Variants in UFM1 observed in about 807,000 individuals in gnomAD.
UFM1 encodes the protein ubiquitin fold modifier 1, also known as ubiquitin-fold modifier 1.
Under a neutral mutation model 15.4 loss-of-function variants are expected in UFM1, and 9 were observed. That is an observed-to-expected ratio of 0.59 (90% CI 0.35 to 1.02). UFM1 has a LOEUF of 1.02. Ranked by LOEUF, UFM1 falls within the 50% of genes least tolerant of loss-of-function variation. The probability of loss-of-function intolerance (pLI) is 0.02; values close to 1 mark genes in which losing one functional copy is unlikely to be tolerated. For synonymous variants in UFM1, 27 were observed against 36.3 expected, an observed-to-expected ratio of 0.74 and a Z score of 0.92; for missense variants, 98 against 104.7, an observed-to-expected ratio of 0.94 and a Z score of 0.28.
chr13:38,358,425 G>A (rs1240362109), intron 4 of UFM1, among the ~76,000 whole-genome samples: 3 of 149,064 alleles, frequency 2.0e-5, no homozygotes, highest in Non-Finnish European at 3.0e-5. Flanking sequence ...TTTTTATTAA[G>A]TAAAGTTGTT....
chr13:38,350,775 T>G (rs1878810986), intron 2 of UFM1, among the ~76,000 whole-genome samples: 1 of 152,206 alleles, frequency 6.6e-6, no homozygotes, highest in Non-Finnish European at 1.5e-5. Context: ...ATAGAATTTT[T>G]TGCATAATTA....
intron 4 of UFM1, among the ~76,000 whole-genome samples, chr13:38,359,031 G>C (rs896672805): frequency 6.6e-5 from 10 of 151,990 alleles, no homozygotes; most frequent in African/African-American, 2.4e-4. Context: ...TGGCAAAATA[G>C]AATTAATAAC....
At chr13:38,356,999 A>G (rs914593580) in intron 3 of UFM1, among the ~76,000 whole-genome samples, 3 of 151,956 alleles carry the variant, frequency 2.0e-5, no homozygotes, top group African/African-American at 7.2e-5. Context: ...ATTCCATACC[A>G]CATTTCATTG....
intron 3 of UFM1, chr13:38,354,676 T>G (rs1157207825): frequency 6.3e-6 from 1 of 158,476 alleles, no homozygotes; most frequent in African/African-American, 2.4e-5. Flanking sequence ...ATCTTTATCA[T>G]AGTTTTCAAA....
At chr13:38,360,421 T>G (rs1879316669) in intron 5 of UFM1, among the ~76,000 whole-genome samples, 2 of 152,052 alleles carry the variant, frequency 1.3e-5, no homozygotes, top group South Asian at 4.1e-4. Context: ...AGATATATTA[T>G]TGTGTATTGA....
rs1250562887 is a variant in UFM1 at position 38,356,631 on chromosome 13, TATGTAATG to T, written c.118-1459_118-1452del. 3.4e-5 allele frequency among the ~76,000 whole-genome samples: 5 copies of T among 147,718 alleles called. No individual in the cohort carries two copies. The East Asian group carries it at 1.1e-3, about 31-fold the overall frequency. The stretch of plus-strand genomic sequence containing the variant: ...GCTTTTAGTTTTTCTCAACTATGTA[TATGTAATG>T]ATTATAGATGCCTAGAGTAGTGTTT... On this transcript the variant is annotated intron_variant, in intron 3 of 5. Coordinates refer to ENST00000239878, the MANE Select transcript of UFM1 (RefSeq NM_016617.4).
intron 2 of UFM1, chr13:38,350,304 A>C: frequency 6.9e-7 from 1 of 1,439,240 alleles, no homozygotes. Flanking sequence ...CTGATTAGTG[A>C]CCTCCCCTCG....
Position 38,361,168 on chromosome 13 carries a change from G to C in UFM1, c.*390G>C, listed in dbSNP as rs150903230. 2.2e-3 allele frequency: 346 copies of C among 155,628 alleles called. 1 individual carries two copies. The highest frequency in any genetic ancestry group is 7.8e-3 in the African/African-American group (326 of 41,642). The allele number at this position is 155,628 out of a possible 1,614,324, so 9.6% of individuals were successfully genotyped here. A position where few individuals can be genotyped will look rare whatever the true frequency, so the allele number is the denominator to read the frequency against. Reference sequence around the variant, plus strand: ...AAATATAAAAAGAATTATGGACCCTGGATGGCAATTTGCTTGATAGCATCT... The same window carrying C: ...AAATATAAAAAGAATTATGGACCCTCGATGGCAATTTGCTTGATAGCATCT... On this transcript the variant is annotated 3_prime_UTR_variant, in exon 6 of 6. Transcript: ENST00000239878.
At chr13:38,357,790 C>T (rs1879177073) in intron 3 of UFM1, among the ~76,000 whole-genome samples, 1 of 151,700 alleles carries the variant, frequency 6.6e-6, no homozygotes, top group African/African-American at 2.4e-5. Context: ...ATTTACTATT[C>T]ATTAAGTGGA....
Position 38,361,401 on chromosome 13 carries a change from C to T in UFM1, c.*623C>T, listed in dbSNP as rs1879380321. 1 of 151,960 alleles carries T rather than the reference C, an allele frequency of 6.6e-6. No individual in the cohort carries two copies. 9.4% of individuals were successfully genotyped at this position (151,960 alleles called of 1,614,324 possible). A position where few individuals can be genotyped will look rare whatever the true frequency, so the allele number is the denominator to read the frequency against. On this transcript the variant is annotated 3_prime_UTR_variant, in exon 6 of 6. Transcript: ENST00000239878. ...TATGTGTATAAATTGGTGTCCCATA[C>T]CAGCTTTTAATGGTGGACCTATAGA...
At chr13:38,357,459 T>C (rs1370493056) in intron 3 of UFM1, among the ~76,000 whole-genome samples, 2 of 151,874 alleles carry the variant, frequency 1.3e-5, no homozygotes, top group Non-Finnish European at 2.9e-5. Context: ...TAAGGTACAC[T>C]TTTATAATTA....
intron 5 of UFM1, chr13:38,360,026 A>G (rs1879298093): frequency 2.6e-6 from 1 of 379,186 alleles, no homozygotes; most frequent in African/African-American, 2.1e-5. Context: ...TAACAAAATT[A>G]TGTTGTTTTC....
Position 38,360,870 on chromosome 13 carries a change from T to C in UFM1, c.*92T>C, listed in dbSNP as rs780056245. On this transcript the variant is annotated 3_prime_UTR_variant, in exon 6 of 6. Transcript: ENST00000239878. ...TTGAAATCAGGCATTTAACATACTATGAAAACACCAGGAGTCAATGATTAA... is the reference window on the plus strand; with the variant it reads ...TTGAAATCAGGCATTTAACATACTACGAAAACACCAGGAGTCAATGATTAA... 1.6e-5 allele frequency: 16 copies of C among 1,027,750 alleles called. No individual in the cohort carries two copies. The highest frequency in any genetic ancestry group is 2.3e-5 in the Non-Finnish European group (15 of 665,146). The allele number at this position is 1,027,750 out of a possible 1,614,324, so 63.7% of individuals were successfully genotyped here.
chr13:38,357,512 G>T (rs1240256600), intron 3 of UFM1, among the ~76,000 whole-genome samples: 1 of 2,890 alleles, frequency 3.5e-4, no homozygotes, highest in Non-Finnish European at 1.3e-3. Context: ...TATAATACAG[G>T]GTTTTTTTTT....
At chr13:38,352,803 A>G (rs2140052316) in intron 2 of UFM1, among the ~76,000 whole-genome samples, 1 of 152,326 alleles carries the variant, frequency 6.6e-6, no homozygotes, top group Non-Finnish European at 1.5e-5. Flanking sequence ...TCAGTATGAC[A>G]TCTAGGTATA....
In UFM1 at chr13:38,354,292, A is replaced by C. The variant is rs774523551; in HGVS notation, c.113A>C (p.Glu38Ala). ...ACAGCAGTCTTAAAGTTTGCAGCAG[A>C]AGAAGTAAGTACAGAAGTTGGAACA... ...PFTAVLKFAA[E>A]EFKVPAATSA... The change falls in exon 3 of 6, where the codon GAA becomes GCA. Residue 38 changes from glutamate to alanine, a missense_variant. Coordinates refer to ENST00000239878, the MANE Select transcript of UFM1 (RefSeq NM_016617.4). The C allele has an allele frequency of 6.8e-6, 11 of 1,610,276 alleles. No individual in the cohort carries two copies. Among genetic ancestry groups the C allele is most frequent in the East Asian group, 2.2e-5 (1 of 44,774 alleles).
chr13:38,360,541 A>G (rs1166223412), intron 5 of UFM1, among the ~76,000 whole-genome samples, 170 bp from the exon 6 acceptor site: 1 of 152,066 alleles, frequency 6.6e-6, no homozygotes, highest in Non-Finnish European at 1.5e-5. Flanking sequence ...TTGTGAAGAT[A>G]GGAGAATAGG....
In UFM1 at chr13:38,349,940, A is replaced by G; in HGVS notation, c.2+19A>G. The G allele has an allele frequency of 1.2e-6, 2 of 1,613,962 alleles. No individual in the cohort carries two copies. Among genetic ancestry groups the G allele is most frequent in the Non-Finnish European group, 1.7e-6 (2 of 1,179,878 alleles). Reference sequence around the variant, plus strand: ...CCACCATGTAAGTGTTTGCTTACCGACTGCCATAATTCCTGGTCCAGCTGC... The same window carrying G: ...CCACCATGTAAGTGTTTGCTTACCGGCTGCCATAATTCCTGGTCCAGCTGC... On this transcript the variant is annotated intron_variant, in intron 1 of 5. Coordinates refer to ENST00000239878, the MANE Select transcript of UFM1 (RefSeq NM_016617.4).
chr13:38,359,233 T>C (rs1879262283), intron 4 of UFM1, 68 bp from the exon 5 acceptor site: 45 of 1,515,870 alleles, frequency 3.0e-5, no homozygotes, highest in Non-Finnish European at 3.9e-5. Flanking sequence ...GCAAATCTCT[T>C]TCCTTGCTAC....
Sources: allele counts gnomAD v4.1 joint callset (sites outside exome capture counted in the v4.1 genomes callset), GRCh38; gene constraint gnomAD v4.1.1; transcripts MANE v1.5; gene names NCBI Gene and HGNC (gene_info 2026-07-23, HGNC 2026-07-21).